CYLC1: variants seen among roughly 807,000 people sequenced by gnomAD.
CYLC1 encodes cylicin-1.
Under a neutral mutation model 31.6 loss-of-function variants are expected in CYLC1, and 2 were observed. The observed-to-expected ratio is 0.06, with a 90% CI of 0.03 to 0.20. The LOEUF is 0.20. Ranked by LOEUF, CYLC1 falls within the 10% of genes least tolerant of loss-of-function variation. The probability of loss-of-function intolerance (pLI) is 1.00; values close to 1 mark genes in which losing one functional copy is unlikely to be tolerated. For missense variants in CYLC1, 595 were observed against 424.1 expected (o/e 1.40, Z -3.54); for synonymous variants, 185 against 153.0 (o/e 1.21, Z -1.54).
intron 4 of CYLC1, among the ~76,000 whole-genome samples, chrX:83,876,036 T>G (rs1602305846): frequency 9.0e-6 from 1 of 111,202 alleles, no homozygotes; most frequent in African/African-American, 3.3e-5. Flanking sequence ...ATATTTCCTC[T>G]TTTAGGCTCA....
intron 4 of CYLC1, among the ~76,000 whole-genome samples, chrX:83,877,773 T>A (rs6616873): frequency 0.036 from 3,628 of 101,496 alleles, 89 homozygotes; most frequent in Middle Eastern, 0.089. Flanking sequence ...TTGGCTTCAC[T>A]GAATTTATAT....
intron 4 of CYLC1, among the ~76,000 whole-genome samples, chrX:83,883,842 A>G (rs1421826782): frequency 8.9e-6 from 1 of 112,010 alleles, no homozygotes; most frequent in Non-Finnish European, 1.9e-5. Flanking sequence ...GCAGTTGTAT[A>G]AACACAGCTG....
At chrX:83,877,754 A>G (rs1403739122) in intron 4 of CYLC1, among the ~76,000 whole-genome samples, 5 of 103,124 alleles carry the variant, frequency 4.8e-5, no homozygotes, top group African/African-American at 1.8e-4. Flanking sequence ...ACACTGCATC[A>G]TACATTATTT....
chrX:83,881,129 GTGT>G (rs371734890), intron 4 of CYLC1, among the ~76,000 whole-genome samples: 13,196 of 108,949 alleles, frequency 0.12, 627 homozygotes, highest in Middle Eastern at 0.25. Flanking sequence ...AGGAAAGTGG[GTGT>G]TGTTGTTGTT....
chrX:83,871,937 A>G (rs2031671455), intron 3 of CYLC1, among the ~76,000 whole-genome samples: 1 of 111,374 alleles, frequency 9.0e-6, no homozygotes, highest in Non-Finnish European at 1.9e-5. Context: ...GACGATATTA[A>G]GAGATTCAAG....
intron 4 of CYLC1, among the ~76,000 whole-genome samples, chrX:83,879,208 G>C (rs377499483): frequency 9.1e-6 from 1 of 109,817 alleles, no homozygotes; most frequent in Non-Finnish European, 1.9e-5. Flanking sequence ...TATAAAATAC[G>C]TAAAGAAAAG....
chrX:83,881,822 G>A lies in CYLC1; in HGVS notation c.1924-4730G>A, dbSNP rs182155888. Among the ~76,000 whole-genome samples the A allele has an allele frequency of 5.0e-4, 53 of 105,363 alleles. No homozygotes were observed. The East Asian group carries it at 0.012, about 24-fold the overall frequency. 91.5% of individuals were successfully genotyped at this position (105,363 alleles called of 115,157 possible). On this transcript the variant is annotated intron_variant, in intron 4 of 4. Coordinates refer to ENST00000329312, the MANE Select transcript of CYLC1 (RefSeq NM_021118.3). ...AGCGATTCTCCTGCCTCAGCCTCCC[G>A]TGTAGCTGGGACTATAGGTGCCCAC...
Position 83,874,404 on chromosome X carries a change from G to A in CYLC1, c.1696G>A (p.Ala566Thr), listed in dbSNP as rs756588813. Residue 566 changes from alanine to threonine, a missense_variant, in exon 4 of 5, where the codon GCA (alanine) becomes ACA (threonine). By Grantham distance (58) the Ala-to-Thr change is moderately conservative. Coordinates refer to ENST00000329312, the MANE Select transcript of CYLC1 (RefSeq NM_021118.3). ...KKIDESDGTS[A>T]NSKMEGLESK... ...AATTGATGAATCAGATGGCACATCT[G>A]CAAATTCAAAGATGGAAGGACTGGA... The A allele has an allele frequency of 8.3e-7, 1 of 1,207,838 alleles. No individual in the cohort carries two copies. Among genetic ancestry groups the A allele is most frequent in the Non-Finnish European group, 1.1e-6 (1 of 894,216 alleles).
chrX:83,881,509 G>A (rs1419013722), intron 4 of CYLC1, among the ~76,000 whole-genome samples: 2 of 108,636 alleles, frequency 1.8e-5, no homozygotes, highest in African/African-American at 6.7e-5. Context: ...TAGAATATGA[G>A]GCTAACTAGA....
rs529475615 is a variant in CYLC1 at position 83,867,840 on chromosome X, T to G, written c.18-2025T>G. Among the ~76,000 whole-genome samples the G allele has an allele frequency of 1.5e-4, 17 of 111,748 alleles. No individual in the cohort carries two copies. The South Asian group carries it at 6.2e-3, about 41-fold the overall frequency. On this transcript the variant is annotated intron_variant, in intron 1 of 4. Transcript: ENST00000329312. The stretch of plus-strand genomic sequence containing the variant: ...GTCCCTTTTGTCATATAAGATAACA[T>G]GCAAAGGTCCTAGAAATTAAAATAC...
chrX:83,869,044 T>A (rs1170262666), intron 1 of CYLC1, among the ~76,000 whole-genome samples: 2 of 110,962 alleles, frequency 1.8e-5, no homozygotes, highest in Non-Finnish European at 3.8e-5. Context: ...GTGTATTTTT[T>A]AAAATTTTAT....
rs775279470 is a variant in CYLC1 at position 83,874,373 on chromosome X, G to C, written c.1665G>C (p.Lys555Asn). The change falls in exon 4 of 5, where the codon AAG becomes AAC. Residue 555 changes from lysine to asparagine, a missense_variant. Physicochemically the swap from Lys to Asn is moderately conservative, Grantham distance 94. Coordinates refer to ENST00000329312, the MANE Select transcript of CYLC1 (RefSeq NM_021118.3). ...SEESLYKPGAKKKIDESDGTS... is the reference protein window; with the variant it reads ...SEESLYKPGANKKIDESDGTS... ...AGTCACTATATAAACCTGGGGCTAA[G>C]AAGAAAATTGATGAATCAGATGGCA... The C allele has an allele frequency of 8.3e-7, 1 of 1,210,077 alleles. No individual in the cohort carries two copies. Among genetic ancestry groups the C allele is most frequent in the Admixed American group, 2.2e-5 (1 of 45,788 alleles).
At chrX:83,879,559 T>A (rs193135575) in intron 4 of CYLC1, among the ~76,000 whole-genome samples, 1 of 111,832 alleles carries the variant, frequency 8.9e-6, no homozygotes, top group Non-Finnish European at 1.9e-5. Flanking sequence ...ATACCATACA[T>A]TGTGATTTGT....
At chrX:83,870,580 G>A (rs2031649382) in intron 2 of CYLC1, among the ~76,000 whole-genome samples, 2 of 111,402 alleles carry the variant, frequency 1.8e-5, no homozygotes, top group Non-Finnish European at 3.8e-5. Context: ...CTAATTCAAA[G>A]CATTGTTGTA....
chrX:83,864,259 G>A (rs925735468), intron 1 of CYLC1, among the ~76,000 whole-genome samples: 3 of 110,862 alleles, frequency 2.7e-5, no homozygotes, highest in Non-Finnish European at 3.8e-5. Context: ...GACATAATTC[G>A]ACTCATAACA....
chrX:83,885,767 G>T (rs1208794492), intron 4 of CYLC1, among the ~76,000 whole-genome samples: 3 of 109,199 alleles, frequency 2.7e-5, no homozygotes, highest in Non-Finnish European at 3.8e-5. Flanking sequence ...AACAAACTAT[G>T]CATAAAGAGC....
chrX:83,875,949 T>A (rs1247188193), intron 4 of CYLC1, among the ~76,000 whole-genome samples: 1 of 110,407 alleles, frequency 9.1e-6, no homozygotes, highest in Non-Finnish European at 1.9e-5. Context: ...CTTCTCATTT[T>A]TATTAATTTC....
intron 3 of CYLC1, 55 bp from the exon 4 acceptor site, chrX:83,872,831 T>C (rs1016820405): frequency 9.1e-6 from 8 of 878,389 alleles, no homozygotes; most frequent in Admixed American, 3.8e-5. Flanking sequence ...TATGTTTCAA[T>C]ATAGAAAGAT....
At chrX:83,881,872 A>G (rs1376551932) in intron 4 of CYLC1, among the ~76,000 whole-genome samples, 1 of 108,880 alleles carries the variant, frequency 9.2e-6, no homozygotes, top group Admixed American at 9.9e-5. Context: ...AATTTTTTGT[A>G]TTTTTAGTAG....
Sources: allele counts gnomAD v4.1 joint callset (sites outside exome capture counted in the v4.1 genomes callset), GRCh38; gene constraint gnomAD v4.1.1; transcripts MANE v1.5; gene names NCBI Gene and HGNC (gene_info 2026-07-23, HGNC 2026-07-21).